ASIC2: variants seen among roughly 807,000 people sequenced by gnomAD.
ASIC2 encodes the protein acid sensing ion channel subunit 2, also known as acid-sensing ion channel 2.
Under a neutral mutation model 57.3 loss-of-function variants are expected in ASIC2, and 25 were observed. That is an observed-to-expected ratio of 0.44 (90% CI 0.32 to 0.61). The LOEUF is 0.61. Ranked by LOEUF, ASIC2 falls within the 20% of genes least tolerant of loss-of-function variation. The pLI is 0.06. For synonymous variants in ASIC2, 319 were observed against 307.5 expected, an observed-to-expected ratio of 1.04 and a Z score of -0.39; for missense variants, 641 against 738.1, an observed-to-expected ratio of 0.87 and a Z score of 1.52.
At chr17:33,255,648 G>A (rs1461434496) in intron 1 of ASIC2, among the ~76,000 whole-genome samples, 2 of 152,066 alleles carry the variant, frequency 1.3e-5, no homozygotes, top group Non-Finnish European at 2.9e-5. Context: ...ATTGATCTTT[G>A]TAGTGTTTTA....
chr17:33,108,816 G>A (rs897502615), intron 2 of ASIC2, among the ~76,000 whole-genome samples: 1 of 152,180 alleles, frequency 6.6e-6, no homozygotes, highest in Non-Finnish European at 1.5e-5. Flanking sequence ...ATGGGGACAA[G>A]GAGTTCTGCC....
At chr17:34,116,152 C>A (rs1361221635) in intron 1 of ASIC2, among the ~76,000 whole-genome samples, 1 of 152,200 alleles carries the variant, frequency 6.6e-6, no homozygotes, top group Non-Finnish European at 1.5e-5. Flanking sequence ...TTTCTGAGCA[C>A]CTTTCTCCCT....
chr17:34,056,589 C>T (rs1421113768), intron 1 of ASIC2, among the ~76,000 whole-genome samples: 1 of 152,160 alleles, frequency 6.6e-6, no homozygotes, highest in Non-Finnish European at 1.5e-5. Flanking sequence ...TAGAAGTCCA[C>T]AACCAAATCA....
intron 1 of ASIC2, among the ~76,000 whole-genome samples, chr17:33,663,330 G>A (rs1188977861): frequency 2.0e-5 from 3 of 152,080 alleles, no homozygotes; most frequent in Non-Finnish European, 4.4e-5. Context: ...ATATTTCTCA[G>A]TGTAAATAGT....
At chr17:33,245,695 C>A (rs1028681035) in intron 1 of ASIC2, among the ~76,000 whole-genome samples, 3 of 152,086 alleles carry the variant, frequency 2.0e-5, no homozygotes, top group Non-Finnish European at 2.9e-5. Flanking sequence ...GCTGGAAGAG[C>A]ATCAGAGGGT....
At chr17:33,640,221 A>G (rs2142032947) in intron 1 of ASIC2, among the ~76,000 whole-genome samples, 1 of 152,188 alleles carries the variant, frequency 6.6e-6, no homozygotes, top group African/African-American at 2.4e-5. Flanking sequence ...GAGAGAGAGG[A>G]GAGAGAAAAG....
intron 1 of ASIC2, among the ~76,000 whole-genome samples, chr17:33,601,925 TTTC>T (rs1162519375): frequency 6.6e-6 from 1 of 152,270 alleles, no homozygotes; most frequent in Non-Finnish European, 1.5e-5. Flanking sequence ...CAGTTACCCC[TTTC>T]TTCTTCTCTA....
intron 1 of ASIC2, among the ~76,000 whole-genome samples, chr17:33,835,854 C>T (rs1913257614): frequency 6.6e-6 from 1 of 151,790 alleles, no homozygotes; most frequent in Admixed American, 6.6e-5. Context: ...CACCATGTTT[C>T]CCAGGCTGGT....
intron 1 of ASIC2, among the ~76,000 whole-genome samples, chr17:33,361,083 G>A (rs1597698855): frequency 6.6e-6 from 1 of 152,114 alleles, no homozygotes; most frequent in Non-Finnish European, 1.5e-5. Flanking sequence ...TCAGTCCTTT[G>A]GGCTCACTCG....
At position 33,648,471 on chromosome 17, in the gene ASIC2, A is replaced by C. The variant is rs115688293; in HGVS notation, c.555+507507T>G. Among the ~76,000 whole-genome samples, 533 of 152,350 alleles carry C rather than the reference A, an allele frequency of 3.5e-3. 2 individuals are homozygous for C. The highest frequency in any genetic ancestry group is 0.012 in the African/African-American group (518 of 41,578). ...TGCTATATAGGAAGGACTTAGTAAC[A>C]ATATATTGAATAAATAAGTAGAAGA... is the stretch of plus-strand genomic sequence containing the variant. On this transcript the variant is annotated intron_variant, in intron 1 of 9. Transcript: ENST00000359872.
chr17:33,090,372 C>T (rs2092152678), intron 2 of ASIC2, among the ~76,000 whole-genome samples: 1 of 152,210 alleles, frequency 6.6e-6, no homozygotes, highest in African/African-American at 2.4e-5. Flanking sequence ...AAGTTCTGGG[C>T]TGTCTCTCTG....
intron 1 of ASIC2, among the ~76,000 whole-genome samples, chr17:33,333,238 A>G (rs1033283015): frequency 7.2e-5 from 11 of 152,170 alleles, no homozygotes; most frequent in African/African-American, 2.4e-4. Context: ...AAATCCATTC[A>G]CTTTGACCAA....
At chr17:34,031,305 T>C (rs1456462084) in intron 1 of ASIC2, among the ~76,000 whole-genome samples, 1 of 152,164 alleles carries the variant, frequency 6.6e-6, no homozygotes, top group Non-Finnish European at 1.5e-5. Flanking sequence ...GAGGGTCCTA[T>C]CTGTTAGAAG....
At chr17:33,482,810 C>G (rs773649796) in intron 1 of ASIC2, among the ~76,000 whole-genome samples, 22 of 152,212 alleles carry the variant, frequency 1.4e-4, no homozygotes, top group Non-Finnish European at 3.1e-4. Flanking sequence ...GACTTGCCAG[C>G]CTTCTCTCGG....
chr17:33,710,587 A>C (rs1369310565), intron 1 of ASIC2, among the ~76,000 whole-genome samples: 1 of 152,220 alleles, frequency 6.6e-6, no homozygotes, highest in Non-Finnish European at 1.5e-5. Flanking sequence ...AAGGCTCATA[A>C]ATTTACTTTT....
In ASIC2 at chr17:33,851,362, G is replaced by A. The variant is rs1913759906; in HGVS notation, c.555+304616C>T. 3.9e-5 allele frequency among the ~76,000 whole-genome samples: 6 copies of A among 152,214 alleles called. No homozygotes were observed. The South Asian group carries it at 1.2e-3, about 32-fold the overall frequency. On this transcript the variant is annotated intron_variant, in intron 1 of 9. Coordinates refer to the ASIC2 transcript ENST00000359872. ...ACCATGAGGCTGGGGGCAATGATGG[G>A]GGAGTAGCCGAGGGGTAGTCAGACT...
intron 1 of ASIC2, among the ~76,000 whole-genome samples, chr17:33,417,251 TA>T (rs1202988271): frequency 6.6e-6 from 1 of 152,020 alleles, no homozygotes; most frequent in Non-Finnish European, 1.5e-5. Context: ...TATAAAATCT[TA>T]AAAATCCACC....
chr17:33,875,849 CTA>C (rs1914532000), intron 1 of ASIC2, among the ~76,000 whole-genome samples: 1 of 151,772 alleles, frequency 6.6e-6, no homozygotes, highest in African/African-American at 2.4e-5. Context: ...AGAGTGAGTG[CTA>C]TAATCCCAGC....
chr17:33,725,534 T>C (rs935885766), intron 1 of ASIC2, among the ~76,000 whole-genome samples: 2 of 152,194 alleles, frequency 1.3e-5, no homozygotes, highest in African/African-American at 4.8e-5. Flanking sequence ...TAAGACTCAG[T>C]GCCTGCATTT....
Sources: gnomAD v4.1 joint callset for allele counts (sites outside exome capture counted in the v4.1 genomes callset) on GRCh38, gnomAD v4.1.1 for gene constraint, MANE v1.5 for transcripts, NCBI Gene and HGNC (gene_info 2026-07-23, HGNC 2026-07-21) for gene names.